COG7: variants seen among roughly 807,000 people sequenced by gnomAD.
COG7 encodes conserved oligomeric Golgi complex subunit 7.
Under a neutral mutation model 91.5 loss-of-function variants are expected in COG7, and 49 were observed. The ratio of observed to expected loss-of-function variants is 0.54; its 90% CI spans 0.43 to 0.68. The LOEUF is 0.68. Ranked by LOEUF, COG7 falls within the 30% of genes least tolerant of loss-of-function variation. The pLI is 0.00. For missense variants in COG7, 895 were observed against 961.3 expected, an observed-to-expected ratio of 0.93 and a Z score of 0.91; for synonymous variants, 365 against 388.7, an observed-to-expected ratio of 0.94 and a Z score of 0.72.
chr16:23,423,191 C>A (rs250574), intron 7 of COG7, among the ~76,000 whole-genome samples: 43,408 of 151,598 alleles, frequency 0.29, 7,012 homozygotes, highest in African/African-American at 0.44. Flanking sequence ...CATGGCGAAA[C>A]CCCATCTCTA....
chr16:23,401,375 A>G (rs1465648597), intron 13 of COG7, among the ~76,000 whole-genome samples: 1 of 152,168 alleles, frequency 6.6e-6, no homozygotes. Flanking sequence ...ATGAGAAGGT[A>G]GGGCCAAGCA....
At chr16:23,418,671 T>C in intron 8 of COG7, 29 bp downstream of exon 8, 2 of 1,610,828 alleles carry the variant, frequency 1.2e-6, no homozygotes, top group Non-Finnish European at 1.7e-6. Context: ...GAATGCTTCC[T>C]CAGTGGCCCC....
chr16:23,421,988 T>C lies in COG7; in HGVS notation c.1009+2761A>G, dbSNP rs111788352. On this transcript the variant is annotated intron_variant, in intron 7 of 16. Transcript: ENST00000307149. ...AACTAATGTATAAAACAGTTCATTA[T>C]AGTTTTATATATCATAGTGATTAAA... is the stretch of plus-strand genomic sequence containing the variant. Among the ~76,000 whole-genome samples, 130 of 152,262 alleles carry C rather than the reference T, an allele frequency of 8.5e-4. 1 individual carries two copies. The highest frequency in any genetic ancestry group is 3.0e-3 in the African/African-American group (124 of 41,552).
Position 23,452,877 on chromosome 16 carries a change from G to C in COG7, c.118C>G (p.Leu40Val). The change falls in exon 1 of 17, where the codon CTG (leucine) becomes GTG (valine). Residue 40 changes from leucine to valine, a missense_variant. By Grantham distance (32) the Leu-to-Val change is conservative. Coordinates refer to ENST00000307149, the MANE Select transcript of COG7 (RefSeq NM_153603.4). ...ATGAACAGCTGCAGCTTCATCACCA[G>C]GGTGGCTGCGTGGCCATCCGCCTTC... ...SGKADGHAATLVMKLQLFIQE... is the reference protein window; with the variant it reads ...SGKADGHAATVVMKLQLFIQE... 1 of 1,613,982 alleles carries C rather than the reference G, an allele frequency of 6.2e-7. No homozygotes were observed. The highest frequency in any genetic ancestry group is 8.5e-7 in the Non-Finnish European group (1 of 1,179,994).
At chr16:23,422,758 C>T (rs1963778963) in intron 7 of COG7, among the ~76,000 whole-genome samples, 1 of 151,842 alleles carries the variant, frequency 6.6e-6, no homozygotes, top group African/African-American at 2.4e-5. Context: ...CATTAGTAAT[C>T]TAGGTCAGGT....
rs140625370 is a variant in COG7 at position 23,406,092 on chromosome 16, A to C, written c.1646T>G (p.Ile549Arg). The part of the protein sequence containing the change: ...NPAEYASLME[I>R]LYTLKEKGSS... ...GTCTCATACCTTAAGGGTATAAAGTATTTCCATTAAACTGGCATATTCAGC... is the reference window on the plus strand; with the variant it reads ...GTCTCATACCTTAAGGGTATAAAGTCTTTCCATTAAACTGGCATATTCAGC... Residue 549 changes from isoleucine to arginine, a missense_variant, in exon 12 of 17, where the codon ATA becomes AGA. Ile to Arg is a moderately conservative substitution (Grantham distance 97). Coordinates refer to ENST00000307149, the MANE Select transcript of COG7 (RefSeq NM_153603.4). 2 of 1,613,998 alleles carry C rather than the reference A, an allele frequency of 1.2e-6. No homozygotes were observed.
At chr16:23,407,242 A>G (rs138684238) in intron 11 of COG7, among the ~76,000 whole-genome samples, 1 of 152,318 alleles carries the variant, frequency 6.6e-6, no homozygotes, top group African/African-American at 2.4e-5. Context: ...TCTGCCATTA[A>G]GTTCAAGTTC....
intron 3 of COG7, among the ~76,000 whole-genome samples, chr16:23,444,059 G>A (rs1356723392): frequency 2.0e-5 from 3 of 151,504 alleles, no homozygotes; most frequent in African/African-American, 7.3e-5. Flanking sequence ...GGCTGAGACA[G>A]GATAATCACT....
At chr16:23,451,122 G>T (rs956640617) in intron 1 of COG7, among the ~76,000 whole-genome samples, 3 of 152,198 alleles carry the variant, frequency 2.0e-5, no homozygotes, top group African/African-American at 7.2e-5. Flanking sequence ...GAACTCAGAA[G>T]GGGGAGGTTG....
intron 16 of COG7, among the ~76,000 whole-genome samples, chr16:23,390,584 T>C (rs913732257): frequency 6.6e-6 from 1 of 151,994 alleles, no homozygotes; most frequent in Non-Finnish European, 1.5e-5. Flanking sequence ...GCCTCAACTT[T>C]CCTTGTGTTT....
chr16:23,412,665 A>C (rs1963584127), intron 10 of COG7: 1 of 152,234 alleles, frequency 6.6e-6, no homozygotes, highest in Non-Finnish European at 1.5e-5. Context: ...CGACTTGAGA[A>C]GGTCACCTCA....
At chr16:23,427,896 G>A (rs1963873365) in intron 6 of COG7, among the ~76,000 whole-genome samples, 1 of 152,092 alleles carries the variant, frequency 6.6e-6, no homozygotes, top group Non-Finnish European at 1.5e-5. Flanking sequence ...AAAATTCAAG[G>A]CCTAGCACGG....
At chr16:23,434,739 A>T in intron 4 of COG7, 21 bp from the exon 5 acceptor site, 1 of 1,545,730 alleles carries the variant, frequency 6.5e-7, no homozygotes, top group Non-Finnish European at 8.9e-7. Context: ...TACAATGTAT[A>T]TATACTGTTA....
chr16:23,410,159 A>G (rs1963538996), intron 11 of COG7, 136 bp downstream of exon 11: 5 of 725,660 alleles, frequency 6.9e-6, no homozygotes, highest in Non-Finnish European at 1.3e-5. Context: ...GACACGCTGT[A>G]TCTAGGTACA....
At chr16:23,446,693 C>G (rs1313762976) in intron 1 of COG7, 2 of 152,408 alleles carry the variant, frequency 1.3e-5, no homozygotes, top group Non-Finnish European at 2.9e-5. Context: ...CTCAGGTGAT[C>G]CACCCGCCTT....
In COG7 at chr16:23,413,466, G is replaced by C. The variant is rs1339781797; in HGVS notation, c.1391C>G (p.Ala464Gly). Reference protein sequence around the residue: ...PNSLFQEDWTAFQNSIRIIAT... With the variant: ...PNSLFQEDWTGFQNSIRIIAT... Reference sequence around the variant, plus strand: ...GGTTTACCTAATGGAGTTCTGAAAAGCCGTCCAATCTTCCTGGAAGAGGGA... The same window carrying C: ...GGTTTACCTAATGGAGTTCTGAAAACCCGTCCAATCTTCCTGGAAGAGGGA... The change falls in exon 10 of 17, where the codon GCT becomes GGT. Residue 464 changes from alanine (A) to glycine (G), a missense_variant. Physicochemically the swap from Ala to Gly is moderately conservative, Grantham distance 60 (BLOSUM62 0). Coordinates refer to ENST00000307149, the MANE Select transcript of COG7 (RefSeq NM_153603.4). 1.3e-6 allele frequency: 2 copies of C among 1,599,506 alleles called. No homozygotes were observed. The highest frequency in any genetic ancestry group is 4.5e-5 in the East Asian group (2 of 44,820).
At chr16:23,438,860 C>A (rs1185316177) in intron 4 of COG7, among the ~76,000 whole-genome samples, 1 of 151,838 alleles carries the variant, frequency 6.6e-6, no homozygotes, top group Non-Finnish European at 1.5e-5. Context: ...AAAAATTAAA[C>A]ATCAGATTAC....
At chr16:23,432,397 G>A (rs915265983) in intron 6 of COG7, among the ~76,000 whole-genome samples, 2 of 152,062 alleles carry the variant, frequency 1.3e-5, no homozygotes, top group African/African-American at 4.8e-5. Flanking sequence ...CTGCTTCTAG[G>A]TTGGGGTTTC....
At chr16:23,407,923 C>T (rs930032605) in intron 11 of COG7, among the ~76,000 whole-genome samples, 5 of 151,184 alleles carry the variant, frequency 3.3e-5, no homozygotes, top group East Asian at 3.9e-4. Flanking sequence ...GTGCACACTG[C>T]GTTCTCTTGG....
Sources: allele counts gnomAD v4.1 joint callset (sites outside exome capture counted in the v4.1 genomes callset), GRCh38; gene constraint gnomAD v4.1.1; transcripts MANE v1.5; gene names NCBI Gene and HGNC (gene_info 2026-07-23, HGNC 2026-07-21).